DST: variants seen among roughly 807,000 people sequenced by gnomAD.
DST encodes dystonin, also known as bullous pemphigoid antigen.
A neutral mutation model predicts 875.2 loss-of-function variants in DST; 253 were observed. The ratio of observed to expected loss-of-function variants is 0.29; its 90% CI spans 0.26 to 0.32. DST has a LOEUF of 0.32. DST is among the 10% of genes least tolerant of loss of function. The pLI, the probability that DST is intolerant of heterozygous loss-of-function variation, is 1.00. For synonymous variants in DST, 3,124 were observed against 3,197.1 expected, an observed-to-expected ratio of 0.98 and a Z score of 0.77; for missense variants, 8,287 against 9,111.6, an observed-to-expected ratio of 0.91 and a Z score of 3.68.
chr6:56,606,473 G>C lies in DST; in HGVS notation c.8155C>G (p.Gln2719Glu), dbSNP rs2098499226. 2 of 1,613,348 alleles carry C rather than the reference G, an allele frequency of 1.2e-6. No homozygotes were observed. Among genetic ancestry groups the C allele is most frequent in the Non-Finnish European group, 8.5e-7 (1 of 1,179,540 alleles). Reference protein sequence around the residue: ...NPVGSDKVNGQSLETGSEREC... With the variant: ...NPVGSDKVNGESLETGSEREC... The stretch of plus-strand genomic sequence containing the variant: ...CTTTCTGATCCAGTTTCCAGTGACT[G>C]TCCATTCACCTTATCTGAGCCAACA... The change falls in exon 40 of 104, where the codon CAG becomes GAG. Residue 2719 changes from glutamine (Q) to glutamate (E), a missense_variant. Gln to Glu is a conservative substitution (Grantham distance 29, BLOSUM62 2). This residue lies in a region of DST where 3,138 missense variants were observed against 3,116.6 expected (regional missense o/e 1.01). Transcript: ENST00000680361.
At position 56,497,428 on chromosome 6, in the gene DST, G is replaced by A. The variant is rs372733281; in HGVS notation, c.20174C>T (p.Pro6725Leu). The A allele has an allele frequency of 2.3e-5, 37 of 1,613,020 alleles. No homozygotes were observed. The highest frequency in any genetic ancestry group is 8.3e-5 in the Admixed American group (5 of 59,888). Residue 6725 changes from proline (P) to leucine (L), a missense_variant, in exon 82 of 104, where the codon CCG (proline) becomes CTG (leucine). Pro to Leu is a moderately conservative substitution (Grantham distance 98, BLOSUM62 -3). Around this residue, in one of 10 missense-constraint regions of DST, gnomAD observed 1,292 missense variants for 1,552.7 expected, o/e 0.83. Coordinates refer to ENST00000680361, the MANE Select transcript of DST (RefSeq NM_001374736.1). The stretch of plus-strand genomic sequence containing the variant: ...GGCTGTTTCCGGTAAACCTCCCAGC[G>A]GTTTAGATGCCAACAGATGACGCTC... The part of the protein sequence containing the change: ...DTERHLLASK[P>L]LGGLPETAKE...
At chr6:56,721,551 A>T (rs1453612554) in intron 5 of DST, among the ~76,000 whole-genome samples, 3 of 152,246 alleles carry the variant, frequency 2.0e-5, no homozygotes, top group South Asian at 4.1e-4. Context: ...TTCTTCTGCC[A>T]TGGCTTCAGC....
Position 56,817,975 on chromosome 6 carries a change from A to T in DST, c.625+33422T>A, listed in dbSNP as rs149189433. ...TATCAAAAGAGGGAGGTGGGGAATC[A>T]GAGTGACAGAAGATGGGAAGATGAA... On this transcript the variant is annotated intron_variant, in intron 4 of 103. Transcript: ENST00000680361. Among the ~76,000 whole-genome samples, 101 of 152,330 alleles carry T rather than the reference A, an allele frequency of 6.6e-4. No individual in the cohort carries two copies. The Middle Eastern group carries it at 0.031, about 46-fold the overall frequency.
At chr6:56,643,223 CCAAT>C (rs1314116900) in intron 15 of DST, among the ~76,000 whole-genome samples, 2 of 152,138 alleles carry the variant, frequency 1.3e-5, no homozygotes, top group Non-Finnish European at 2.9e-5. Flanking sequence ...ACACAAATAT[CCAAT>C]CATAGTCTGA....
chr6:56,890,270 T>C (rs1439221603), intron 3 of DST, among the ~76,000 whole-genome samples: 1 of 152,206 alleles, frequency 6.6e-6, no homozygotes, highest in Non-Finnish European at 1.5e-5. Context: ...CAGAGAACAA[T>C]GCCCATGTAT....
intron 3 of DST, among the ~76,000 whole-genome samples, chr6:56,877,563 A>G (rs1780116455): frequency 6.6e-6 from 1 of 152,228 alleles, no homozygotes; most frequent in Admixed American, 6.5e-5. Context: ...CTGAAAATAA[A>G]TATATAAATA....
intron 2 of DST, among the ~76,000 whole-genome samples, chr6:56,915,817 A>T (rs908012889): frequency 6.6e-6 from 1 of 152,244 alleles, no homozygotes; most frequent in African/African-American, 2.4e-5. Flanking sequence ...CTGAACTGTT[A>T]ATACTTTACG....
chr6:56,643,079 T>G lies in DST; in HGVS notation c.1779-576A>C, dbSNP rs536979698. ...ACAAAGCAGGCAGATTGGGCGTCACTGGAAAGGATATGCCAAATATTTGCA... is the reference window on the plus strand; with the variant it reads ...ACAAAGCAGGCAGATTGGGCGTCACGGGAAAGGATATGCCAAATATTTGCA... On this transcript the variant is annotated intron_variant, in intron 15 of 103. Coordinates refer to ENST00000680361, the MANE Select transcript of DST (RefSeq NM_001374736.1). The G allele has an allele frequency of 1.3e-5, 6 of 470,774 alleles. No homozygotes were observed. The Admixed American group carries it at 1.9e-4, about 15-fold the overall frequency. 29.2% of individuals were successfully genotyped at this position (470,774 alleles called of 1,614,324 possible). A position where few individuals can be genotyped will look rare whatever the true frequency, so the allele number is the denominator to read the frequency against.
intron 4 of DST, chr6:56,843,920 C>T: frequency 6.3e-6 from 1 of 158,012 alleles, no homozygotes; most frequent in Non-Finnish European, 1.4e-5. Flanking sequence ...CCAAGCACGC[C>T]CACCCCCGGA....
chr6:56,633,232 TC>T (rs2098796665), intron 27 of DST, among the ~76,000 whole-genome samples, 195 bp from the exon 28 acceptor site: 2 of 143,388 alleles, frequency 1.4e-5, no homozygotes, highest in African/African-American at 3.0e-5. Context: ...GGAGTTTCAC[TC>T]TTTTTTTTTT....
rs138624600 is a variant in DST at position 56,566,461 on chromosome 6, G to A, written c.14005+2008C>T. ...CCTTGGCTAGGCAGGGAAGTTTTCC[G>A]ACCCCTTGTGCTTCCGAGGTGAGGC... On this transcript the variant is annotated intron_variant, in intron 55 of 103. Coordinates refer to ENST00000680361, the MANE Select transcript of DST (RefSeq NM_001374736.1). Among the ~76,000 whole-genome samples the A allele has an allele frequency of 8.7e-3, 1,317 of 152,196 alleles. 10 individuals are homozygous for A. The highest frequency in any genetic ancestry group is 0.015 in the Non-Finnish European group (1,037 of 68,002).
At chr6:56,775,462 G>A (rs1489791308) in intron 4 of DST, among the ~76,000 whole-genome samples, 2 of 152,140 alleles carry the variant, frequency 1.3e-5, no homozygotes, top group Non-Finnish European at 2.9e-5. Flanking sequence ...AGTTTTATAA[G>A]CTATGATTTC....
At chr6:56,787,425 C>CA (rs1346348735) in intron 4 of DST, among the ~76,000 whole-genome samples, 2 of 152,180 alleles carry the variant, frequency 1.3e-5, no homozygotes, top group Non-Finnish European at 2.9e-5. Context: ...TTGAGTCCAA[C>CA]AAACTAGACT....
At chr6:56,947,374 C>T (rs1820125927) in intron 2 of DST, among the ~76,000 whole-genome samples, 1 of 152,002 alleles carries the variant, frequency 6.6e-6, no homozygotes, top group Non-Finnish European at 1.5e-5. Flanking sequence ...CCTCAGCCTC[C>T]CGAGTAGCTA....
intron 55 of DST, among the ~76,000 whole-genome samples, chr6:56,565,414 C>T (rs1280637840): frequency 2.0e-5 from 3 of 152,072 alleles, no homozygotes; most frequent in Non-Finnish European, 4.4e-5. Flanking sequence ...CCACCACGCC[C>T]GGCTAAGAGT....
intron 3 of DST, among the ~76,000 whole-genome samples, chr6:56,869,046 G>A (rs566331052): frequency 2.6e-5 from 4 of 152,298 alleles, no homozygotes; most frequent in Non-Finnish European, 2.9e-5. Flanking sequence ...CTTGGCAGAC[G>A]ATGGCTACTG....
In DST at chr6:56,607,522, T is replaced by C. The variant is rs1238544526; in HGVS notation, c.7106A>G (p.Tyr2369Cys). The change falls in exon 40 of 104, where the codon TAT becomes TGT. Residue 2369 changes from tyrosine (Y) to cysteine (C), a missense_variant. Physicochemically the swap from Tyr to Cys is radical, Grantham distance 194 (BLOSUM62 -2). This residue lies in a region of DST where 3,138 missense variants were observed against 3,116.6 expected (regional missense o/e 1.01). Coordinates refer to ENST00000680361, the MANE Select transcript of DST (RefSeq NM_001374736.1). Reference protein sequence around the residue: ...RSDSENILTNYENQSRVETNE... With the variant: ...RSDSENILTNCENQSRVETNE... ...TGTTTCCACTCGGCTTTGATTTTCATAGTTTGTAAGTATGTTTTCAGAGTC... is the reference window on the plus strand; with the variant it reads ...TGTTTCCACTCGGCTTTGATTTTCACAGTTTGTAAGTATGTTTTCAGAGTC... 2 of 1,602,254 alleles carry C rather than the reference T, an allele frequency of 1.2e-6. No homozygotes were observed. The highest frequency in any genetic ancestry group is 1.7e-6 in the Non-Finnish European group (2 of 1,173,330).
chr6:56,600,043 T>A, intron 45 of DST, 26 bp downstream of exon 45: 1 of 1,599,428 alleles, frequency 6.3e-7, no homozygotes. Context: ...TCAACATAGA[T>A]CTGCTGATAG....
At chr6:56,718,312 T>G (rs2099402109) in intron 5 of DST, among the ~76,000 whole-genome samples, 1 of 152,182 alleles carries the variant, frequency 6.6e-6, no homozygotes. Flanking sequence ...CATGAAAAGA[T>G]GCTCAACATT....
Sources: gnomAD v4.1 joint callset for allele counts (sites outside exome capture counted in the v4.1 genomes callset) on GRCh38, gnomAD v4.1.1 for gene constraint, gnomAD v4.1.1 regional missense constraint, MANE v1.5 for transcripts, NCBI Gene and HGNC (gene_info 2026-07-23, HGNC 2026-07-21) for gene names.